TOX4: variants seen among roughly 807,000 people sequenced by gnomAD.
The protein encoded by TOX4 is TOX high mobility group box family member 4.
TOX4 carries 12 observed loss-of-function variants against 61.0 expected under a neutral mutation model. The observed-to-expected ratio is 0.20, with a 90% CI of 0.13 to 0.32. The LOEUF is 0.32. Among genes scored for constraint, TOX4 ranks in the 10% least tolerant of loss-of-function variants. The pLI, the probability that TOX4 is intolerant of heterozygous loss-of-function variation, is 1.00. For synonymous variants in TOX4, 268 were observed against 274.8 expected, an observed-to-expected ratio of 0.98 and a Z score of 0.24; for missense variants, 499 against 753.3, an observed-to-expected ratio of 0.66 and a Z score of 3.95.
chr14:21,498,459 C>G lies in TOX4; in HGVS notation c.*1853C>G, dbSNP rs1056777201. 68 of 1,202,818 alleles carry G rather than the reference C, an allele frequency of 5.7e-5. No individual in the cohort carries two copies. In the East Asian group the frequency reaches 8.0e-4, roughly 14 times the overall value. 74.5% of individuals were successfully genotyped at this position (1,202,818 alleles called of 1,614,324 possible). On this transcript the variant is annotated 3_prime_UTR_variant, in exon 9 of 9. Coordinates refer to ENST00000448790, the MANE Select transcript of TOX4 (RefSeq NM_014828.4). ...AAAATGCATACCAAATGAAGACTGC[C>G]TATCATCATATCAAATATGCCAATT...
chr14:21,487,572 C>A lies in TOX4; in HGVS notation c.197C>A (p.Ser66Tyr). ...VGHFDDLADP[S>Y]SSQDGSFSAQ... ...CACTTTGATGACCTGGCAGACCCTT[C>A]CTCTTCACAGGATGGCAGTTTTTCA... The change falls in exon 3 of 9, where the codon TCC becomes TAC. Residue 66 changes from serine to tyrosine, a missense_variant. This residue lies in a region of TOX4 where 90 missense variants were observed against 109.5 expected (regional missense o/e 0.82). Coordinates refer to ENST00000448790, the MANE Select transcript of TOX4 (RefSeq NM_014828.4). The A allele has an allele frequency of 6.2e-7, 1 of 1,614,204 alleles. No individual in the cohort carries two copies. Among genetic ancestry groups the A allele is most frequent in the Non-Finnish European group, 8.5e-7 (1 of 1,180,042 alleles).
At chr14:21,494,285 T>G (rs2139631475) in intron 7 of TOX4, among the ~76,000 whole-genome samples, 1 of 152,296 alleles carries the variant, frequency 6.6e-6, no homozygotes, top group South Asian at 2.1e-4. Flanking sequence ...AAAAATTTAA[T>G]TGGTTCATAC....
intron 5 of TOX4, among the ~76,000 whole-genome samples, chr14:21,490,064 T>C (rs1158898904): frequency 1.3e-5 from 2 of 150,824 alleles, no homozygotes; most frequent in African/African-American, 4.9e-5. Context: ...GTCCCAGCTG[T>C]GGAGGCTGAG....
intron 5 of TOX4, chr14:21,492,021 T>TA (rs931253225): frequency 5.7e-5 from 14 of 243,816 alleles, no homozygotes; most frequent in South Asian, 2.1e-4. Flanking sequence ...AAAAAAAATT[T>TA]AAAAAAAATA....
intron 3 of TOX4, chr14:21,488,205 G>T (rs559025351): frequency 5.2e-6 from 1 of 192,488 alleles, no homozygotes; most frequent in Non-Finnish European, 1.1e-5. Context: ...TTTAATATTG[G>T]CCTTATTTAT....
chr14:21,495,078 A>T, intron 7 of TOX4, 151 bp from the exon 8 acceptor site: 1 of 756,890 alleles, frequency 1.3e-6, no homozygotes, highest in Non-Finnish European at 2.2e-6. Flanking sequence ...TAGAGGGGAG[A>T]CCAAGAACTC....
Position 21,484,465 on chromosome 14 carries a change from C to CTTTCCCATTTTACAGATGA in TOX4, c.76-2986_76-2985insTTTCCCATTTTACAGATGA, listed in dbSNP as rs1190679793. ...CTGGATTCAAGTGATTCTCCTGCCT[C>CTTTCCCATTTTACAGATGA]AGCCTCCTGATGTAGATGGCATTAC... On this transcript the variant is annotated intron_variant, in intron 2 of 8. Transcript: ENST00000448790. 6.7e-4 allele frequency among the ~76,000 whole-genome samples: 70 copies of CTTTCCCATTTTACAGATGA among 104,770 alleles called. 14 individuals are homozygous for CTTTCCCATTTTACAGATGA. Among genetic ancestry groups the CTTTCCCATTTTACAGATGA allele is most frequent in the East Asian group, 1.4e-3 (4 of 2,838 alleles). 68.7% of individuals were successfully genotyped at this position (104,770 alleles called of 152,430 possible).
Position 21,477,303 on chromosome 14 carries a change from A to G in TOX4, c.6+19A>G. ...GATGGAGGTAGGAACCTGATAGCTA[A>G]GAAGGCTGGCGAGAGAACGCGGCCG... On this transcript the variant is annotated intron_variant, in intron 1 of 8. Transcript: ENST00000448790. 1 of 1,614,038 alleles carries G rather than the reference A, an allele frequency of 6.2e-7. No homozygotes were observed. Among genetic ancestry groups the G allele is most frequent in the African/African-American group, 1.3e-5 (1 of 75,050 alleles).
chr14:21,499,064 A>G lies in TOX4; in HGVS notation c.*2458A>G, dbSNP rs1891487557. 1.9e-6 allele frequency: 3 copies of G among 1,614,172 alleles called. No individual in the cohort carries two copies. Among genetic ancestry groups the G allele is most frequent in the Non-Finnish European group, 2.5e-6 (3 of 1,180,030 alleles). The stretch of plus-strand genomic sequence containing the variant: ...ATTGTGTGGTCGTCCAAATAACTCA[A>G]TCTTGCGAGTGCCAGGAGATAGTCT... On this transcript the variant is annotated 3_prime_UTR_variant, in exon 9 of 9. Transcript: ENST00000448790.
intron 5 of TOX4, among the ~76,000 whole-genome samples, chr14:21,490,568 G>A (rs1891269876): frequency 6.6e-6 from 1 of 152,170 alleles, no homozygotes; most frequent in Non-Finnish European, 1.5e-5. Flanking sequence ...GGAAACTGGA[G>A]CCCACTGCCC....
At chr14:21,485,613 T>A (rs1594426545) in intron 2 of TOX4, among the ~76,000 whole-genome samples, 1 of 100,088 alleles carries the variant, frequency 1.0e-5, no homozygotes, top group Non-Finnish European at 2.2e-5. Context: ...CGGTGGCCCA[T>A]GCCTGTAATC....
intron 2 of TOX4, 31 bp from the exon 3 acceptor site, chr14:21,487,420 C>G: frequency 6.2e-7 from 1 of 1,606,960 alleles, no homozygotes; most frequent in African/African-American, 1.3e-5. Context: ...CCTCTTTTCA[C>G]TAATTCTTTT....
rs1413028370 is a variant in TOX4 at position 21,484,926 on chromosome 14, T to C, written c.76-2525T>C. Among the ~76,000 whole-genome samples, 3 of 107,164 alleles carry C rather than the reference T, an allele frequency of 2.8e-5. 1 individual carries two copies. Among genetic ancestry groups the C allele is most frequent in the South Asian group, 6.4e-4 (2 of 3,116 alleles). The allele number at this position is 107,164 out of a possible 152,430, so 70.3% of individuals were successfully genotyped here. Reference sequence around the variant, plus strand: ...CGCCCACCTGGGCCTCCCGAAGTGCTGGGATTACAGGCGTGAGCCACTGCT... The same window carrying C: ...CGCCCACCTGGGCCTCCCGAAGTGCCGGGATTACAGGCGTGAGCCACTGCT... On this transcript the variant is annotated intron_variant, in intron 2 of 8. Transcript: ENST00000448790.
chr14:21,484,329 C>CTTT lies in TOX4; in HGVS notation c.76-3087_76-3085dup, dbSNP rs533570141. Among the ~76,000 whole-genome samples, 9 of 44,234 alleles carry CTTT rather than the reference C, an allele frequency of 2.0e-4. 1 individual carries two copies. Among genetic ancestry groups the CTTT allele is most frequent in the African/African-American group, 4.1e-4 (5 of 12,206 alleles). The allele number at this position is 44,234 out of a possible 152,430, so 29.0% of individuals were successfully genotyped here. On this transcript the variant is annotated intron_variant, in intron 2 of 8. Coordinates refer to ENST00000448790, the MANE Select transcript of TOX4 (RefSeq NM_014828.4). Reference sequence around the variant, plus strand: ...CTGGAAATTTTCTTTCTAGCAATGTCTTTTTTTTTTTTTTTTTTTTTTTTT... The same window carrying CTTT: ...CTGGAAATTTTCTTTCTAGCAATGTCTTTTTTTTTTTTTTTTTTTTTTTTTTTT...
chr14:21,498,736 C>T lies in TOX4; in HGVS notation c.*2130C>T. ...ACAGATTAAATAGATAACTTCGTAA[C>T]CACCAGGGGGCAGATTCAATACATC... On this transcript the variant is annotated 3_prime_UTR_variant, in exon 9 of 9. Coordinates refer to ENST00000448790, the MANE Select transcript of TOX4 (RefSeq NM_014828.4). The T allele has an allele frequency of 4.3e-6, 2 of 463,284 alleles. No homozygotes were observed. Among genetic ancestry groups the T allele is most frequent in the Non-Finnish European group, 7.7e-6 (2 of 259,692 alleles). 28.7% of individuals were successfully genotyped at this position (463,284 alleles called of 1,614,324 possible). A position where few individuals can be genotyped will look rare whatever the true frequency, so the allele number is the denominator to read the frequency against.
At position 21,487,432 on chromosome 14, in the gene TOX4, C is replaced by G; in HGVS notation, c.76-19C>G. On this transcript the variant is annotated intron_variant, in intron 2 of 8. Transcript: ENST00000448790. ...TCTCCTCTTTTCACTAATTCTTTTC[C>G]CCCTTTTTTCCCCTACAGACATTCC... 6.2e-7 allele frequency: 1 copy of G among 1,609,426 alleles called. No individual in the cohort carries two copies. The highest frequency in any genetic ancestry group is 8.5e-7 in the Non-Finnish European group (1 of 1,176,540).
chr14:21,484,133 G>T (rs964190469), intron 2 of TOX4, among the ~76,000 whole-genome samples: 19 of 151,996 alleles, frequency 1.3e-4, no homozygotes, highest in Non-Finnish European at 2.6e-4. Context: ...CTTATGCTCC[G>T]TGTGCTACTT....
chr14:21,495,255 T>C lies in TOX4; in HGVS notation c.1668T>C (p.Val556=), dbSNP rs773444006. The change falls in exon 8 of 9, where the codon GTT becomes GTC. Residue 556 remains valine, a synonymous_variant. Transcript: ENST00000448790. ...PEVESPSQMD[V]ELVSGSPVAL... ...TTGAGTCTCCTTCTCAGATGGATGT[T>C]GAATTGGTGAGTGGGTCTCCTGTGG... The C allele has an allele frequency of 9.9e-6, 16 of 1,614,068 alleles. No homozygotes were observed. Among genetic ancestry groups the C allele is most frequent in the Non-Finnish European group, 3.4e-6 (4 of 1,180,036 alleles).
chr14:21,483,179 T>G (rs975422528), intron 2 of TOX4, among the ~76,000 whole-genome samples: 5 of 152,192 alleles, frequency 3.3e-5, no homozygotes, highest in African/African-American at 1.2e-4. Flanking sequence ...GTTTTGGATA[T>G]GAATTTTTAT....
Sources: gnomAD v4.1 joint callset for allele counts (sites outside exome capture counted in the v4.1 genomes callset) on GRCh38, gnomAD v4.1.1 for gene constraint, gnomAD v4.1.1 regional missense constraint, MANE v1.5 for transcripts, NCBI Gene and HGNC (gene_info 2026-07-23, HGNC 2026-07-21) for gene names.